The following BHLHE41 variants were observed in gnomAD, a reference collection of about 807,000 sequenced individuals.
BHLHE41 encodes the protein basic helix-loop-helix family member e41.
BHLHE41 carries 14 observed loss-of-function variants against 24.0 expected under a neutral mutation model. That is an observed-to-expected ratio of 0.58 (90% CI 0.39 to 0.91). The LOEUF (loss-of-function observed/expected upper bound fraction) is 0.91. BHLHE41 is among the 40% of genes least tolerant of loss of function. BHLHE41 has a pLI of 0.00. For missense variants in BHLHE41, 674 were observed against 655.4 expected (o/e 1.03, Z -0.31); for synonymous variants, 394 against 315.5 (o/e 1.25, Z -2.64).
Position 26,121,956 on chromosome 12 carries a change from C to T in BHLHE41, c.*110G>A. 1 of 1,537,048 alleles carries T rather than the reference C, an allele frequency of 6.5e-7. No individual in the cohort carries two copies. Among genetic ancestry groups the T allele is most frequent in the Non-Finnish European group, 8.8e-7 (1 of 1,139,998 alleles). Reference sequence around the variant, plus strand: ...GCCTGTCGTGCATCTATTACACTTCCTCCCTTAAAGACCTTAAGGGTATTT... The same window carrying T: ...GCCTGTCGTGCATCTATTACACTTCTTCCCTTAAAGACCTTAAGGGTATTT... On this transcript the variant is annotated 3_prime_UTR_variant, in exon 5 of 5. Coordinates refer to ENST00000242728, the MANE Select transcript of BHLHE41 (RefSeq NM_030762.3).
At position 26,120,238 on chromosome 12, in the gene BHLHE41, T is replaced by A. The variant is rs546401981; in HGVS notation, c.*1828A>T. The A allele has an allele frequency of 3.5e-4, 54 of 152,792 alleles. No homozygotes were observed. Among genetic ancestry groups the A allele is most frequent in the African/African-American group, 1.2e-3 (51 of 41,592 alleles). 9.5% of individuals were successfully genotyped at this position (152,792 alleles called of 1,614,324 possible). The stretch of plus-strand genomic sequence containing the variant: ...AATTGAGCATCCATTATGTCTTTTT[T>A]AATTATTAGACAATATCATATCGTA... On this transcript the variant is annotated 3_prime_UTR_variant, in exon 5 of 5. Transcript: ENST00000242728.
intron 1 of BHLHE41, 49 bp from the exon 2 acceptor site, chr12:26,124,631 C>G: frequency 6.2e-7 from 1 of 1,612,266 alleles, no homozygotes; most frequent in Non-Finnish European, 8.5e-7. Flanking sequence ...AGGGGCTCTG[C>G]CCTCGCCAGC....
rs1480970909 is a variant in BHLHE41, at chr12:26,122,212, G to A, written c.1303C>T (p.Pro435Ser). The A allele has an allele frequency of 2.3e-6, 3 of 1,332,972 alleles. No individual in the cohort carries two copies. The highest frequency in any genetic ancestry group is 2.2e-5 in the South Asian group (1 of 45,338). The allele number at this position is 1,332,972 out of a possible 1,614,324, so 82.6% of individuals were successfully genotyped here. A position where few individuals can be genotyped will look rare whatever the true frequency, so the allele number is the denominator to read the frequency against. ...KAGAAAATLL[P>S]HEVAPLGAPH... ...GCCCCAAGGGGCGCCACCTCGTGCG[G>A]CAGGAGGGTCGCGGCGGCGGCGCCC... The change falls in exon 5 of 5, where the codon CCG becomes TCG. Residue 435 changes from proline to serine, a missense_variant. Physicochemically the swap from Pro to Ser is moderately conservative, Grantham distance 74. Around this residue, in one of 3 missense-constraint regions of BHLHE41, gnomAD observed 602 missense variants for 570.8 expected, o/e 1.05. Transcript: ENST00000242728.
rs370990602 is a variant in BHLHE41 at position 26,125,018 on chromosome 12, C to G, written c.-239G>C. 3 of 611,348 alleles carry G rather than the reference C, an allele frequency of 4.9e-6. No individual in the cohort carries two copies. The highest frequency in any genetic ancestry group is 1.8e-5 in the African/African-American group (1 of 54,864). 37.9% of individuals were successfully genotyped at this position (611,348 alleles called of 1,614,324 possible). On this transcript the variant is annotated 5_prime_UTR_variant, in exon 1 of 5. Coordinates refer to ENST00000242728, the MANE Select transcript of BHLHE41 (RefSeq NM_030762.3). ...GGCCCCACTGCGCTGGTAGTTTGCT[C>G]TCACTCCAGGCAGTGTTTGGCCACA... is the stretch of plus-strand genomic sequence containing the variant.
chr12:26,125,023 T>A lies in BHLHE41; in HGVS notation c.-244A>T. 1 of 589,844 alleles carries A rather than the reference T, an allele frequency of 1.7e-6. No individual in the cohort carries two copies. Among genetic ancestry groups the A allele is most frequent in the Non-Finnish European group, 3.1e-6 (1 of 324,398 alleles). 36.5% of individuals were successfully genotyped at this position (589,844 alleles called of 1,614,324 possible). A position where few individuals can be genotyped will look rare whatever the true frequency, so the allele number is the denominator to read the frequency against. The stretch of plus-strand genomic sequence containing the variant: ...CACTGCGCTGGTAGTTTGCTCTCAC[T>A]CCAGGCAGTGTTTGGCCACAGGGCA... On this transcript the variant is annotated 5_prime_UTR_variant, in exon 1 of 5. Coordinates refer to ENST00000242728, the MANE Select transcript of BHLHE41 (RefSeq NM_030762.3).
Position 26,122,777 on chromosome 12 carries a change from G to A in BHLHE41, c.738C>T (p.Ala246=). Residue 246 remains alanine, a synonymous_variant, in exon 5 of 5, where the codon GCC becomes GCT. Transcript: ENST00000242728. Reference sequence around the variant, plus strand: ...CTTTCTCGCGGTCCGGCCGGGCCTCGGCTTCGCCGCCGTAGCCGCTGTCGG... The same window carrying A: ...CTTTCTCGCGGTCCGGCCGGGCCTCAGCTTCGCCGCCGTAGCCGCTGTCGG... ...TDTDSGYGGE[A]EARPDREKGK... The A allele has an allele frequency of 1.9e-6, 3 of 1,586,960 alleles. No homozygotes were observed. In the South Asian group the frequency reaches 3.4e-5, roughly 18 times the overall value.
Position 26,123,119 on chromosome 12 carries a change from G to A in BHLHE41, c.396C>T (p.His132=), listed in dbSNP as rs1944329317. ...CTTTGGCGCATGTTTGAAATCCCGA[G>A]TGGAACGCATCCAAGTCGGACTGAA... ...SPIQSDLDAF[H]SGFQTCAKEV... is the part of the protein sequence containing the mutation. Residue 132 remains histidine (H), a synonymous_variant, in exon 5 of 5, where the codon CAC becomes CAT. Transcript: ENST00000242728. 5 of 1,610,394 alleles carry A rather than the reference G, an allele frequency of 3.1e-6. No individual in the cohort carries two copies. Among genetic ancestry groups the A allele is most frequent in the Non-Finnish European group, 4.2e-6 (5 of 1,178,172 alleles).
At position 26,121,816 on chromosome 12, in the gene BHLHE41, A is replaced by T; in HGVS notation, c.*250T>A. 1.2e-6 allele frequency: 1 copy of T among 851,424 alleles called. No homozygotes were observed. Among genetic ancestry groups the T allele is most frequent in the Non-Finnish European group, 1.7e-6 (1 of 600,784 alleles). 52.7% of individuals were successfully genotyped at this position (851,424 alleles called of 1,614,324 possible). On this transcript the variant is annotated 3_prime_UTR_variant, in exon 5 of 5. Transcript: ENST00000242728. Reference sequence around the variant, plus strand: ...CAGTGTCTTTCGCATAGGATCTTTTACAGCTGGTGGGGGGAAGAAAGGGAT... The same window carrying T: ...CAGTGTCTTTCGCATAGGATCTTTTTCAGCTGGTGGGGGGAAGAAAGGGAT...
intron 2 of BHLHE41, 74 bp from the exon 3 acceptor site, chr12:26,124,253 G>GACC: frequency 1.3e-6 from 1 of 785,904 alleles, no homozygotes; most frequent in Non-Finnish European, 2.1e-6. Flanking sequence ...ACCCTCGTCT[G>GACC]CCCCCCCCGC....
Position 26,124,814 on chromosome 12 carries a change from T to G in BHLHE41, c.-35A>C. 6.2e-7 allele frequency: 1 copy of G among 1,610,358 alleles called. No homozygotes were observed. Among genetic ancestry groups the G allele is most frequent in the Non-Finnish European group, 8.5e-7 (1 of 1,176,724 alleles). ...CTGTTCGTTTCCTCTGTTTCGATTT[T>G]TGGGGCTCTGTACAATAATCTGTGG... is the stretch of plus-strand genomic sequence containing the variant. On this transcript the variant is annotated 5_prime_UTR_variant, in exon 1 of 5. Transcript: ENST00000242728.
rs1356414573 is a variant in BHLHE41, at chr12:26,122,525, G to A, written c.990C>T (p.Gly330=). The change falls in exon 5 of 5, where the codon GGC becomes GGT. Residue 330 remains glycine (G), a synonymous_variant. Transcript: ENST00000242728. ...AALLSSLVAF[G]GGGGAPFPQP... is the part of the protein sequence containing the mutation. ...GCGGGAAGGGCGCGCCTCCGCCTCC[G>A]CCGAACGCCACCAGCGAGCTGAGCA... 1.6e-6 allele frequency: 2 copies of A among 1,281,946 alleles called. No homozygotes were observed. Among genetic ancestry groups the A allele is most frequent in the Non-Finnish European group, 2.0e-6 (2 of 1,004,250 alleles). The allele number at this position is 1,281,946 out of a possible 1,614,324, so 79.4% of individuals were successfully genotyped here. A position where few individuals can be genotyped will look rare whatever the true frequency, so the allele number is the denominator to read the frequency against.
At position 26,123,125 on chromosome 12, in the gene BHLHE41, C is replaced by A. The variant is rs369764189; in HGVS notation, c.390G>T (p.Ala130=). ...CGCATGTTTGAAATCCCGAGTGGAA[C>A]GCATCCAAGTCGGACTGAATGGGCG... ...LKSPIQSDLD[A]FHSGFQTCAK... Residue 130 remains alanine, a synonymous_variant, in exon 5 of 5, where the codon GCG becomes GCT. Transcript: ENST00000242728. 17 of 1,609,426 alleles carry A rather than the reference C, an allele frequency of 1.1e-5. No homozygotes were observed. The highest frequency in any genetic ancestry group is 1.3e-5 in the African/African-American group (1 of 74,824).
intron 2 of BHLHE41, 39 bp from the exon 3 acceptor site, chr12:26,124,218 G>C (rs747354885): frequency 7.4e-7 from 1 of 1,352,798 alleles, no homozygotes; most frequent in South Asian, 1.2e-5. Flanking sequence ...AAAACAGTAA[G>C]CGAAACATTC....
In BHLHE41 at chr12:26,122,922, G is replaced by C. The variant is rs1375085027; in HGVS notation, c.593C>G (p.Ser198Cys). The change falls in exon 5 of 5, where the codon TCC becomes TGC. Residue 198 changes from serine to cysteine, a missense_variant. Ser to Cys is a moderately radical substitution (Grantham distance 112). Transcript: ENST00000242728. ...GCGCTCCAGGCAGGGGGCGGCCGCGGACCCGGCGGCCGAGGGAGCGCCGGT... is the reference window on the plus strand; with the variant it reads ...GCGCTCCAGGCAGGGGGCGGCCGCGCACCCGGCGGCCGAGGGAGCGCCGGT... ...KGTGAPSAAG[S>C]AAAPCLERAG... is the part of the protein sequence containing the mutation. 6.4e-7 allele frequency: 1 copy of C among 1,550,980 alleles called. No individual in the cohort carries two copies. The highest frequency in any genetic ancestry group is 8.7e-7 in the Non-Finnish European group (1 of 1,146,800).
chr12:26,124,463 T>C (rs370504911), intron 2 of BHLHE41, 56 bp downstream of exon 2: 396 of 1,543,716 alleles, frequency 2.6e-4, no homozygotes, highest in Non-Finnish European at 3.4e-4. Flanking sequence ...GTGAAATCAA[T>C]GGCTCTAATT....
At chr12:26,124,688 C>T (rs1944347358) in intron 1 of BHLHE41, 30 bp downstream of exon 1, 1 of 1,613,754 alleles carries the variant, frequency 6.2e-7, no homozygotes, top group Non-Finnish European at 8.5e-7. Flanking sequence ...AAAGCCTAGA[C>T]AGATATTCGC....
chr12:26,124,681 G>C (rs1944347295), intron 1 of BHLHE41, 37 bp downstream of exon 1: 1 of 1,613,404 alleles, frequency 6.2e-7, no homozygotes, highest in African/African-American at 1.3e-5. Flanking sequence ...TCAAACCAAA[G>C]CCTAGACAGA....
rs1318779963 is a variant in BHLHE41 at position 26,122,763 on chromosome 12, T to C, written c.752A>G (p.Asp251Gly). The change falls in exon 5 of 5, where the codon GAC (aspartate) becomes GGC (glycine). Residue 251 changes from aspartate to glycine, a missense_variant. This residue lies in a region of BHLHE41 where 602 missense variants were observed against 570.8 expected (regional missense o/e 1.05). Coordinates refer to ENST00000242728, the MANE Select transcript of BHLHE41 (RefSeq NM_030762.3). ...GYGGEAEARP[D>G]REKGKGAGAS... is the part of the protein sequence containing the mutation. Reference sequence around the variant, plus strand: ...CCCCGCGCCTTTGCCTTTCTCGCGGTCCGGCCGGGCCTCGGCTTCGCCGCC... The same window carrying C: ...CCCCGCGCCTTTGCCTTTCTCGCGGCCCGGCCGGGCCTCGGCTTCGCCGCC... 1.3e-6 allele frequency: 2 copies of C among 1,592,664 alleles called. No homozygotes were observed. Among genetic ancestry groups the C allele is most frequent in the South Asian group, 1.1e-5 (1 of 88,992 alleles).
In BHLHE41 at chr12:26,124,784, A is replaced by C. The variant is rs1944348714; in HGVS notation, c.-5T>G. ...ATGAGGAATTCCTTCGTCCATGTTC[A>C]ACTGCTGTTCGTTTCCTCTGTTTCG... On this transcript the variant is annotated 5_prime_UTR_variant, in exon 1 of 5. Coordinates refer to ENST00000242728, the MANE Select transcript of BHLHE41 (RefSeq NM_030762.3). The C allele has an allele frequency of 6.2e-7, 1 of 1,614,060 alleles. No homozygotes were observed. Among genetic ancestry groups the C allele is most frequent in the African/African-American group, 1.3e-5 (1 of 74,936 alleles).
Sources: allele counts gnomAD v4.1 joint callset, GRCh38; gene constraint gnomAD v4.1.1; regional missense constraint gnomAD v4.1.1; transcripts MANE v1.5; gene names NCBI Gene and HGNC (gene_info 2026-07-23, HGNC 2026-07-21).